TBX18: variants seen among roughly 807,000 people sequenced by gnomAD.
TBX18 encodes T-box transcription factor 18.
TBX18 carries 21 observed loss-of-function variants against 55.0 expected under a neutral mutation model. That is an observed-to-expected ratio of 0.38 (90% CI 0.27 to 0.55). The LOEUF (loss-of-function observed/expected upper bound fraction) is 0.55, where lower values mean the gene tolerates loss of function less well. Among genes scored for constraint, TBX18 ranks in the 20% least tolerant of loss-of-function variants. The pLI is 0.73. For missense variants in TBX18, 840 were observed against 799.6 expected, an observed-to-expected ratio of 1.05 and a Z score of -0.61; for synonymous variants, 342 against 326.1, an observed-to-expected ratio of 1.05 and a Z score of -0.53.
In TBX18 at chr6:84,736,235, T is replaced by C. The variant is rs1437770164; in HGVS notation, c.*450A>G. On this transcript the variant is annotated 3_prime_UTR_variant, in exon 8 of 8. Transcript: ENST00000369663. Reference sequence around the variant, plus strand: ...TAGATTCTCACACTGTGTCCAAGAATAACAGAAATCACAAGACTCTACATG... The same window carrying C: ...TAGATTCTCACACTGTGTCCAAGAACAACAGAAATCACAAGACTCTACATG... 1 of 152,826 alleles carries C rather than the reference T, an allele frequency of 6.5e-6. No individual in the cohort carries two copies. Among genetic ancestry groups the C allele is most frequent in the Admixed American group, 6.5e-5 (1 of 15,282 alleles). The allele number at this position is 152,826 out of a possible 1,614,324, so 9.5% of individuals were successfully genotyped here. A position where few individuals can be genotyped will look rare whatever the true frequency, so the allele number is the denominator to read the frequency against.
chr6:84,759,335 G>A (rs1435498438), intron 3 of TBX18, among the ~76,000 whole-genome samples: 6 of 152,072 alleles, frequency 3.9e-5, no homozygotes, highest in African/African-American at 1.4e-4. Flanking sequence ...AATTGTTGAA[G>A]TGATAAAAAA....
chr6:84,760,446 T>C, intron 2 of TBX18, 90 bp from the exon 3 acceptor site: 1 of 761,436 alleles, frequency 1.3e-6, no homozygotes, highest in Non-Finnish European at 2.1e-6. Context: ...CTCTTGGATC[T>C]CTATTTTTAA....
Position 84,735,994 on chromosome 6 carries a change from C to T in TBX18, c.*691G>A, listed in dbSNP as rs1312984406. On this transcript the variant is annotated 3_prime_UTR_variant, in exon 8 of 8. Coordinates refer to ENST00000369663, the MANE Select transcript of TBX18 (RefSeq NM_001080508.3). The stretch of plus-strand genomic sequence containing the variant: ...TTGTTCTCTACAGATGAATAAGAAC[C>T]TCTTATGTGCCCAATGGAAAGTGTA... The T allele has an allele frequency of 6.6e-6, 1 of 151,918 alleles. No individual in the cohort carries two copies. 9.4% of individuals were successfully genotyped at this position (151,918 alleles called of 1,614,324 possible).
rs1337855506 is a variant in TBX18, at chr6:84,764,291, G to A, written c.-110C>T. ...CTAAAAGGCTCTCGGGGCCTCCCGA[G>A]ATCTGCCCCCTTCCCCACCGCGGGC... On this transcript the variant is annotated 5_prime_UTR_variant, in exon 1 of 8. Transcript: ENST00000369663. 4.6e-6 allele frequency: 6 copies of A among 1,314,470 alleles called. No homozygotes were observed. The highest frequency in any genetic ancestry group is 5.9e-6 in the Non-Finnish European group (6 of 1,022,578). The allele number at this position is 1,314,470 out of a possible 1,614,324, so 81.4% of individuals were successfully genotyped here.
At chr6:84,752,984 A>G (rs915341728) in intron 4 of TBX18, among the ~76,000 whole-genome samples, 4 of 152,164 alleles carry the variant, frequency 2.6e-5, no homozygotes, top group African/African-American at 9.7e-5. Context: ...TTCCAGAGGA[A>G]TTGGGAAACA....
intron 4 of TBX18, 117 bp from the exon 5 acceptor site, chr6:84,748,204 G>A: frequency 1.4e-6 from 1 of 701,162 alleles, no homozygotes; most frequent in Non-Finnish European, 2.2e-6. Flanking sequence ...CAAGGATGCA[G>A]AGGTGTCAAT....
intron 3 of TBX18, 111 bp from the exon 4 acceptor site, chr6:84,756,980 ATT>A: frequency 9.3e-7 from 1 of 1,076,388 alleles, no homozygotes; most frequent in Non-Finnish European, 1.3e-6. Context: ...AAATAAATCA[ATT>A]TCCTCTTTAC....
intron 6 of TBX18, among the ~76,000 whole-genome samples, chr6:84,740,761 A>T (rs1279142727): frequency 2.0e-5 from 3 of 152,236 alleles, no homozygotes; most frequent in Non-Finnish European, 4.4e-5. Flanking sequence ...ATTACCACAT[A>T]GATGAGTTTA....
At chr6:84,763,619 G>A (rs974965473) in intron 1 of TBX18, among the ~76,000 whole-genome samples, 3 of 152,172 alleles carry the variant, frequency 2.0e-5, no homozygotes, top group African/African-American at 7.2e-5. Flanking sequence ...GAAGCACAGA[G>A]CTGCACCGCT....
intron 6 of TBX18, 142 bp from the exon 7 acceptor site, chr6:84,738,733 C>A (rs1562256337): frequency 1.5e-6 from 1 of 677,164 alleles, no homozygotes; most frequent in East Asian, 2.6e-5. Context: ...TTGCCACTGG[C>A]AAGAAGAAAT....
intron 5 of TBX18, among the ~76,000 whole-genome samples, chr6:84,746,581 T>G (rs1463587431): frequency 3.4e-5 from 5 of 146,866 alleles, no homozygotes; most frequent in Admixed American, 2.1e-4. Context: ...TATAAATATA[T>G]TTTATATAAT....
Position 84,759,589 on chromosome 6 carries a change from C to T in TBX18, c.599+666G>A, listed in dbSNP as rs548924732. 7.9e-4 allele frequency among the ~76,000 whole-genome samples: 118 copies of T among 150,090 alleles called. 1 individual carries two copies. Among genetic ancestry groups the T allele is most frequent in the African/African-American group, 2.6e-3 (107 of 41,038 alleles). ...TAAAGATTGGTTTGAAACTGAAGAA[C>T]GTGTATATTTTCAAAATTTACTTGA... On this transcript the variant is annotated intron_variant, in intron 3 of 7. Coordinates refer to ENST00000369663, the MANE Select transcript of TBX18 (RefSeq NM_001080508.3).
intron 4 of TBX18, among the ~76,000 whole-genome samples, chr6:84,749,568 ACT>A (rs936187396): frequency 4.0e-5 from 6 of 151,088 alleles, no homozygotes; most frequent in Admixed American, 6.6e-5. Context: ...CCAACCAGAC[ACT>A]CTAGGAGAGG....
intron 1 of TBX18, chr6:84,763,414 G>T: frequency 2.2e-6 from 1 of 458,712 alleles, no homozygotes. Context: ...GAAGGGAACC[G>T]CTCAACTACC....
intron 6 of TBX18, among the ~76,000 whole-genome samples, chr6:84,739,099 G>A (rs1766973519): frequency 6.6e-6 from 1 of 152,086 alleles, no homozygotes; most frequent in South Asian, 2.1e-4. Context: ...AAAGAAGACT[G>A]ACTTCTCTCT....
intron 5 of TBX18, among the ~76,000 whole-genome samples, chr6:84,744,734 G>A (rs1039814758): frequency 2.6e-5 from 4 of 152,040 alleles, no homozygotes; most frequent in African/African-American, 4.8e-5. Context: ...GGAATAACTC[G>A]TATCCAACTT....
chr6:84,752,832 C>T (rs1767385920), intron 4 of TBX18, among the ~76,000 whole-genome samples: 1 of 152,188 alleles, frequency 6.6e-6, no homozygotes, highest in Non-Finnish European at 1.5e-5. Flanking sequence ...CCCACTGTGG[C>T]TGTCTGGCCA....
chr6:84,757,722 C>T (rs1767531110), intron 3 of TBX18, among the ~76,000 whole-genome samples: 1 of 151,474 alleles, frequency 6.6e-6, no homozygotes, highest in Admixed American at 6.6e-5. Flanking sequence ...ATAACAATGC[C>T]TCAAGTAAGA....
chr6:84,750,984 C>T (rs1767333262), intron 4 of TBX18, among the ~76,000 whole-genome samples: 1 of 152,088 alleles, frequency 6.6e-6, no homozygotes, highest in South Asian at 2.1e-4. Flanking sequence ...TAAGGGAGAA[C>T]CCTTCCTCTT....
Sources: allele counts gnomAD v4.1 joint callset (sites outside exome capture counted in the v4.1 genomes callset), GRCh38; gene constraint gnomAD v4.1.1; transcripts MANE v1.5; gene names NCBI Gene and HGNC (gene_info 2026-07-23, HGNC 2026-07-21).